Variants in MGST1 observed in about 807,000 individuals in gnomAD.
MGST1 encodes glutathione S-transferase 12.
MGST1 carries 5 observed loss-of-function variants against 8.9 expected under a neutral mutation model. That is an observed-to-expected ratio of 0.56 (90% CI 0.29 to 1.19). The LOEUF (loss-of-function observed/expected upper bound fraction) is 1.19. Ranked by LOEUF, MGST1 falls within the 50% of genes most tolerant of loss-of-function variation. MGST1 has a pLI of 0.08. For missense variants in MGST1, 182 were observed against 187.4 expected (o/e 0.97, Z 0.17); for synonymous variants, 54 against 67.8 (o/e 0.80, Z 1.00).
chr12:16,479,535 C>CTTTTTTTTTTTTTTTTTTTTT lies in MGST1; in HGVS notation n.482+95947_482+95948insTTTTTTTTTTTTTTTTTTTTT, dbSNP rs71054820. 1.8e-5 allele frequency among the ~76,000 whole-genome samples: 2 copies of CTTTTTTTTTTTTTTTTTTTTT among 113,122 alleles called. 1 individual carries two copies. Among genetic ancestry groups the CTTTTTTTTTTTTTTTTTTTTT allele is most frequent in the African/African-American group, 7.7e-5 (2 of 26,014 alleles). 74.2% of individuals were successfully genotyped at this position (113,122 alleles called of 152,430 possible). On this transcript the variant is annotated intron_variant and non_coding_transcript_variant, in intron 4 of 4. Coordinates refer to the MGST1 transcript ENST00000538857. ...AGGCGTGAGCCACTGCGCCCGGCCT[C>CTTTTTTTTTTTTTTTTTTTTT]TTTTTTTTTTTTTTTTGAGACAGGG...
rs1941518457 is a variant in MGST1, at chr12:16,503,432, A to G, written n.483-86096A>G. 6.6e-6 allele frequency among the ~76,000 whole-genome samples: 1 copy of G among 152,134 alleles called. No homozygotes were observed. Among genetic ancestry groups the G allele is most frequent in the African/African-American group, 2.4e-5 (1 of 41,426 alleles). On this transcript the variant is annotated intron_variant and non_coding_transcript_variant, in intron 4 of 4. Coordinates refer to the MGST1 transcript ENST00000538857. The surrounding 1 kb of genome is among the most constrained non-coding windows in gnomAD (Gnocchi z 4.8). ...AGGTGGCAGAGGTGGTAATCAGTAA[A>G]AATCTAATCAAAGCACAAAGAAGAC... is the stretch of plus-strand genomic sequence containing the variant.
intron 4 of MGST1, among the ~76,000 whole-genome samples, chr12:16,516,772 G>T (rs1329354234): frequency 6.6e-6 from 1 of 152,090 alleles, no homozygotes; most frequent in South Asian, 2.1e-4. Flanking sequence ...GTACTTGCAG[G>T]TCTAGGATGG....
intron 1 of MGST1, chr12:16,437,306 A>G (rs1248543441): frequency 6.6e-6 from 1 of 151,956 alleles, no homozygotes; most frequent in Non-Finnish European, 1.5e-5. Context: ...ATATTGGTTA[A>G]TTGTCAAAAA....
chr12:16,407,783 C>T (rs1940708240), intron 1 of MGST1, among the ~76,000 whole-genome samples: 1 of 152,036 alleles, frequency 6.6e-6, no homozygotes, highest in African/African-American at 2.4e-5. Context: ...CCTGTAATCC[C>T]AGCACATTGG....
intron 4 of MGST1, among the ~76,000 whole-genome samples, chr12:16,446,504 AT>A (rs1941081096): frequency 6.6e-6 from 1 of 151,754 alleles, no homozygotes; most frequent in Admixed American, 6.6e-5. Flanking sequence ...TTGGCTGTTC[AT>A]TTATTTGTAT....
intron 4 of MGST1, among the ~76,000 whole-genome samples, chr12:16,538,983 G>T (rs1374994695): frequency 6.6e-6 from 1 of 152,118 alleles, no homozygotes; most frequent in Admixed American, 6.5e-5. Context: ...ATAAAACCAT[G>T]CGATCTCATG....
intron 4 of MGST1, among the ~76,000 whole-genome samples, chr12:16,481,938 A>G (rs1331879021): frequency 6.6e-6 from 1 of 152,206 alleles, no homozygotes; most frequent in Admixed American, 6.5e-5. Context: ...TTAAAGTTAT[A>G]TGATAGTAAA....
chr12:16,525,802 C>T (rs1404066869), intron 4 of MGST1, among the ~76,000 whole-genome samples: 2 of 151,364 alleles, frequency 1.3e-5, no homozygotes, highest in Admixed American at 6.6e-5. Flanking sequence ...CTCTCCAGCA[C>T]TTGTCGTTTC....
At chr12:16,516,161 G>A (rs771386844) in intron 4 of MGST1, among the ~76,000 whole-genome samples, 1 of 152,142 alleles carries the variant, frequency 6.6e-6, no homozygotes, top group Non-Finnish European at 1.5e-5. Context: ...TACGAGGTCT[G>A]TATTGTGCCA....
At chr12:16,522,912 C>T (rs1941657920) in intron 4 of MGST1, among the ~76,000 whole-genome samples, 1 of 152,004 alleles carries the variant, frequency 6.6e-6, no homozygotes, top group Admixed American at 6.6e-5. Context: ...CATCTATACA[C>T]CTGAAAATTC....
rs995212739 is a variant in MGST1, at chr12:16,513,101, C to A, written n.483-76427C>A. ...CTCTAGTTATCATTATCAAACAAAT[C>A]ATTCTTTCATGTGTATATATACAGA... On this transcript the variant is annotated intron_variant and non_coding_transcript_variant, in intron 4 of 4. Transcript: ENST00000538857. The surrounding 1 kb of genome is among the most constrained non-coding windows in gnomAD (Gnocchi z 4.2). Among the ~76,000 whole-genome samples, 4 of 152,196 alleles carry A rather than the reference C, an allele frequency of 2.6e-5. No individual in the cohort carries two copies. The highest frequency in any genetic ancestry group is 4.4e-5 in the Non-Finnish European group (3 of 68,040).
intron 4 of MGST1, among the ~76,000 whole-genome samples, chr12:16,569,909 C>T (rs574909299): frequency 1.3e-5 from 2 of 152,142 alleles, no homozygotes; most frequent in East Asian, 3.9e-4. Context: ...AATATTTTAT[C>T]TAATCACTAT....
chr12:16,480,286 G>A (rs1941356124), intron 4 of MGST1, among the ~76,000 whole-genome samples: 1 of 151,830 alleles, frequency 6.6e-6, no homozygotes, highest in Non-Finnish European at 1.5e-5. Flanking sequence ...GGGACTACAG[G>A]CATCCACCAC....
downstream of MGST1, among the ~76,000 whole-genome samples, chr12:16,592,493 C>T (rs1943524606): frequency 6.6e-6 from 1 of 151,966 alleles, no homozygotes; most frequent in African/African-American, 2.4e-5. Flanking sequence ...AAGTGAGCAT[C>T]TCACCTGTAA....
At chr12:16,465,257 T>C (rs1941245881) in intron 4 of MGST1, among the ~76,000 whole-genome samples, 1 of 152,218 alleles carries the variant, frequency 6.6e-6, no homozygotes, top group Admixed American at 6.5e-5. Flanking sequence ...AGGTGAAGTA[T>C]ATGGAGCTGT....
chr12:16,524,463 C>A (rs533237237), intron 4 of MGST1, among the ~76,000 whole-genome samples: 2 of 151,954 alleles, frequency 1.3e-5, no homozygotes, highest in Non-Finnish European at 2.9e-5. Flanking sequence ...TTGAGCTTAA[C>A]GATGCTGGAG....
chr12:16,513,938 C>T lies in MGST1; in HGVS notation n.483-75590C>T. 3 of 540,704 alleles carry T rather than the reference C, an allele frequency of 5.5e-6. No homozygotes were observed. The highest frequency in any genetic ancestry group is 5.2e-5 in the South Asian group (3 of 57,778). 33.5% of individuals were successfully genotyped at this position (540,704 alleles called of 1,614,324 possible). ...GGTTATCGATACTATGACCGCAAGA[C>T]TTGCGGTTTTGACTTCACAGACACT... is the stretch of plus-strand genomic sequence containing the variant. On this transcript the variant is annotated intron_variant and non_coding_transcript_variant, in intron 4 of 4. Coordinates refer to the MGST1 transcript ENST00000538857. This position sits in a 1 kb window ranked among gnomAD's most constrained non-coding sequence, Gnocchi z 4.2.
chr12:16,414,700 C>T (rs899530595), intron 1 of MGST1, among the ~76,000 whole-genome samples: 6 of 152,112 alleles, frequency 3.9e-5, no homozygotes, highest in Non-Finnish European at 8.8e-5. Flanking sequence ...CAGGTGTGAG[C>T]CACCGCGCCC....
downstream of MGST1, among the ~76,000 whole-genome samples, chr12:16,439,522 C>T (rs1266240202): frequency 6.6e-6 from 1 of 151,738 alleles, no homozygotes; most frequent in Non-Finnish European, 1.5e-5. Context: ...ATAGCCTTGC[C>T]CTAGAGCATT....
Sources: gnomAD v4.1 joint callset for allele counts (sites outside exome capture counted in the v4.1 genomes callset) on GRCh38, gnomAD v4.1.1 for gene constraint, Gnocchi (gnomAD v3.1) non-coding constraint, MANE v1.5 for transcripts, NCBI Gene and HGNC (gene_info 2026-07-23, HGNC 2026-07-21) for gene names.